MAP4K4: variants seen among roughly 807,000 people sequenced by gnomAD.
MAP4K4 encodes HPK/GCK-like kinase HGK.
A neutral mutation model predicts 189.6 loss-of-function variants in MAP4K4; 38 were observed. The ratio of observed to expected loss-of-function variants is 0.20; its 90% CI spans 0.15 to 0.26. The LOEUF is 0.26. Ranked by LOEUF, MAP4K4 falls within the 10% of genes least tolerant of loss-of-function variation. The pLI, the probability that MAP4K4 is intolerant of heterozygous loss-of-function variation, is 1.00. For missense variants in MAP4K4, 1,054 were observed against 1,726.9 expected (o/e 0.61, Z 6.91); for synonymous variants, 610 against 624.3 (o/e 0.98, Z 0.34).
At chr2:101,799,079 GCCCA>G (rs2094110107) in intron 3 of MAP4K4, among the ~76,000 whole-genome samples, 1 of 152,108 alleles carries the variant, frequency 6.6e-6, no homozygotes, top group Non-Finnish European at 1.5e-5. Context: ...TAAATTTGAG[GCCCA>G]TAAATAATTT....
At chr2:101,753,260 C>T (rs1436826646) in intron 2 of MAP4K4, among the ~76,000 whole-genome samples, 1 of 152,158 alleles carries the variant, frequency 6.6e-6, no homozygotes, top group Admixed American at 6.5e-5. Flanking sequence ...AATGCCTCCC[C>T]AGATTTGCCT....
chr2:101,778,764 C>G (rs1205092402), intron 2 of MAP4K4, among the ~76,000 whole-genome samples: 1 of 152,274 alleles, frequency 6.6e-6, no homozygotes, highest in South Asian at 2.1e-4. Context: ...TGACCTTCAC[C>G]TACAGGCTGC....
At chr2:101,856,747 G>T (rs1295824475) in intron 13 of MAP4K4, among the ~76,000 whole-genome samples, 1 of 152,014 alleles carries the variant, frequency 6.6e-6, no homozygotes, top group Non-Finnish European at 1.5e-5. Context: ...AATACAATTT[G>T]CCCTTAGCCC....
intron 2 of MAP4K4, among the ~76,000 whole-genome samples, chr2:101,733,852 T>G (rs1227668215): frequency 1.3e-5 from 2 of 152,194 alleles, no homozygotes; most frequent in Non-Finnish European, 2.9e-5. Context: ...CTGATGTTTC[T>G]GAGCCAGTTC....
rs138433280 is a variant in MAP4K4, at chr2:101,796,593, T to C, written c.180+5817T>C. 1.6e-3 allele frequency among the ~76,000 whole-genome samples: 251 copies of C among 152,320 alleles called. 1 individual carries two copies. The highest frequency in any genetic ancestry group is 0.016 in the East Asian group (84 of 5,182). On this transcript the variant is annotated intron_variant, in intron 3 of 32. Transcript: ENST00000324219. ...TAAGTAAGCTCGTTGAGTGAGCTGG[T>C]TGGATCTGAACTTTAAAGGATAGAT...
At chr2:101,708,931 A>G (rs1051632369) in intron 2 of MAP4K4, among the ~76,000 whole-genome samples, 2 of 152,064 alleles carry the variant, frequency 1.3e-5, no homozygotes, top group South Asian at 2.1e-4. Flanking sequence ...GTTCCTTTTT[A>G]TTGCTGAATT....
At chr2:101,873,821 C>A in intron 25 of MAP4K4, 57 bp downstream of exon 25, 2 of 1,289,532 alleles carry the variant, frequency 1.6e-6, no homozygotes, top group Non-Finnish European at 2.2e-6. Flanking sequence ...CTTTGAGTTG[C>A]TCTTTTGGGT....
chr2:101,728,098 C>CT (rs1449448451), intron 2 of MAP4K4, among the ~76,000 whole-genome samples: 1 of 152,224 alleles, frequency 6.6e-6, no homozygotes, highest in Non-Finnish European at 1.5e-5. Flanking sequence ...CAGGTTACCT[C>CT]TTTAAGTACA....
At chr2:101,857,271 TTC>T (rs1427881522) in intron 13 of MAP4K4, among the ~76,000 whole-genome samples, 1 of 152,222 alleles carries the variant, frequency 6.6e-6, no homozygotes, top group East Asian at 1.9e-4. Context: ...ATCGGTTTTA[TTC>T]TGTTTTTCCC....
chr2:101,830,380 A>G (rs959440593), intron 6 of MAP4K4, among the ~76,000 whole-genome samples: 4 of 152,036 alleles, frequency 2.6e-5, no homozygotes, highest in Non-Finnish European at 5.9e-5. Flanking sequence ...GGGTTCTTTT[A>G]TATTTCTTGT....
intron 2 of MAP4K4, among the ~76,000 whole-genome samples, chr2:101,786,224 C>G (rs1025144210): frequency 1.3e-5 from 2 of 152,116 alleles, no homozygotes; most frequent in Admixed American, 6.5e-5. Context: ...TCATTAGAGG[C>G]AGACAAATAG....
In MAP4K4 at chr2:101,890,304, C is replaced by A. The variant is rs139731711; in HGVS notation, c.4072-862C>A. Among the ~76,000 whole-genome samples the A allele has an allele frequency of 4.2e-3, 642 of 152,246 alleles. 4 individuals carry two copies. Among genetic ancestry groups the A allele is most frequent in the African/African-American group, 0.015 (615 of 41,550 alleles). ...AAGTGGAAAGAAATAACTTCAGAAACATCCATTTTTTTCCTTTGTTGTCTC... is the reference window on the plus strand; with the variant it reads ...AAGTGGAAAGAAATAACTTCAGAAAAATCCATTTTTTTCCTTTGTTGTCTC... On this transcript the variant is annotated intron_variant, in intron 32 of 32. Transcript: ENST00000324219.
At chr2:101,834,212 C>T (rs1310441581) in intron 7 of MAP4K4, among the ~76,000 whole-genome samples, 197 bp from the exon 8 acceptor site, 4 of 123,988 alleles carry the variant, frequency 3.2e-5, no homozygotes, top group Non-Finnish European at 6.8e-5. Flanking sequence ...ATCCCTCCAT[C>T]CCTCCATCCC....
chr2:101,779,640 T>G (rs1330685386), intron 2 of MAP4K4, among the ~76,000 whole-genome samples: 1 of 152,182 alleles, frequency 6.6e-6, no homozygotes, highest in Non-Finnish European at 1.5e-5. Context: ...TTTTTTTTCT[T>G]TTAATTTTGT....
At chr2:101,850,675 C>CT (rs1241313169) in intron 12 of MAP4K4, among the ~76,000 whole-genome samples, 1 of 152,192 alleles carries the variant, frequency 6.6e-6, no homozygotes, top group Non-Finnish European at 1.5e-5. Context: ...TAAGGCCTTG[C>CT]TTCCTGTCAA....
chr2:101,884,225 A>T (rs936485998), intron 28 of MAP4K4, among the ~76,000 whole-genome samples: 7 of 152,198 alleles, frequency 4.6e-5, no homozygotes, highest in Non-Finnish European at 1.0e-4. Flanking sequence ...TGTATATTAA[A>T]TTAATAAAAA....
intron 2 of MAP4K4, among the ~76,000 whole-genome samples, chr2:101,733,033 G>A (rs2059127907): frequency 6.6e-6 from 1 of 152,228 alleles, no homozygotes; most frequent in Non-Finnish European, 1.5e-5. Context: ...ATGTTACTAC[G>A]TCCCAAGAAG....
chr2:101,883,430 C>T (rs776084107), intron 28 of MAP4K4, among the ~76,000 whole-genome samples: 1 of 152,086 alleles, frequency 6.6e-6, no homozygotes, highest in Non-Finnish European at 1.5e-5. Context: ...CTCCCGGGTT[C>T]AAGCAATTCT....
At chr2:101,745,652 A>G (rs1417631918) in intron 2 of MAP4K4, among the ~76,000 whole-genome samples, 1 of 152,062 alleles carries the variant, frequency 6.6e-6, no homozygotes, top group Non-Finnish European at 1.5e-5. Flanking sequence ...AGCGCCTTCT[A>G]TTTATTAGCA....
Sources: allele counts gnomAD v4.1 joint callset (sites outside exome capture counted in the v4.1 genomes callset), GRCh38; gene constraint gnomAD v4.1.1; transcripts MANE v1.5; gene names NCBI Gene and HGNC (gene_info 2026-07-23, HGNC 2026-07-21).